MTMR3: variants seen among roughly 807,000 people sequenced by gnomAD.
MTMR3 encodes phosphatidylinositol-3,5-bisphosphate 3-phosphatase MTMR3.
In MTMR3, 32 loss-of-function variants were observed where a neutral mutation model predicts 132.4. That is an observed-to-expected ratio of 0.24 (90% CI 0.18 to 0.32). MTMR3 has a LOEUF of 0.32. MTMR3 is among the 10% of genes least tolerant of loss of function. MTMR3 has a pLI of 1.00. For missense variants in MTMR3, 1,216 were observed against 1,489.6 expected (o/e 0.82, Z 3.02); for synonymous variants, 556 against 550.3 (o/e 1.01, Z -0.14).
chr22:30,012,255 T>G (rs550793681), intron 12 of MTMR3, 113 bp from the exon 13 acceptor site: 9 of 1,190,844 alleles, frequency 7.6e-6, no homozygotes, highest in Non-Finnish European at 9.4e-6. Context: ...TTGGCAGTGT[T>G]ATATTTGGAG....
chr22:30,019,678 G>C lies in MTMR3; in HGVS notation c.2019G>C (p.Pro673=), dbSNP rs148069934. The C allele has an allele frequency of 5.0e-6, 8 of 1,613,946 alleles. No homozygotes were observed. In the African/African-American group the frequency reaches 8.0e-5, roughly 16 times the overall value. ...ADSLGKPTRV[P]GGAELSVAAG... is the part of the protein sequence containing the mutation. ...GCCTAGGGAAGCCCACCAGAGTGCC[G>C]GGGGGTGCCGAGCTTTCTGTTGCAG... The change falls in exon 17 of 20, where the codon CCG becomes CCC. Residue 673 remains proline, a synonymous_variant. Coordinates refer to ENST00000401950, the MANE Select transcript of MTMR3 (RefSeq NM_021090.4).
chr22:29,894,516 G>T (rs1230379133), intron 1 of MTMR3, among the ~76,000 whole-genome samples: 1 of 151,902 alleles, frequency 6.6e-6, no homozygotes, highest in East Asian at 1.9e-4. Flanking sequence ...GTGTGTGTGT[G>T]TGTGTGTGTG....
chr22:29,991,791 C>T (rs369657261), intron 7 of MTMR3, 121 bp downstream of exon 7: 30 of 1,073,906 alleles, frequency 2.8e-5, no homozygotes, highest in East Asian at 1.9e-4. Context: ...TTTTAAGGAG[C>T]ACCCAGCAAG....
rs1464861973 is a variant in MTMR3, at chr22:29,947,021, A to T, written c.-137-10015A>T. Among the ~76,000 whole-genome samples the T allele has an allele frequency of 3.9e-5, 6 of 152,312 alleles. No individual in the cohort carries two copies. In the East Asian group the frequency reaches 1.2e-3, roughly 29 times the overall value. On this transcript the variant is annotated intron_variant, in intron 1 of 19. Coordinates refer to ENST00000401950, the MANE Select transcript of MTMR3 (RefSeq NM_021090.4). ...TTAGATTGTAAGGAAACTGTTGAAG[A>T]TGTAAATCATTAGAAAAGAAAAAGT...
At chr22:29,998,094 A>G (rs1207620073) in intron 7 of MTMR3, 1 of 152,198 alleles carries the variant, frequency 6.6e-6, no homozygotes, top group Admixed American at 6.5e-5. Flanking sequence ...GGAAGTAGGC[A>G]AGTAGCCAGT....
At chr22:29,953,858 G>T (rs1336375878) in intron 1 of MTMR3, among the ~76,000 whole-genome samples, 7 of 151,910 alleles carry the variant, frequency 4.6e-5, no homozygotes, top group Non-Finnish European at 1.0e-4. Flanking sequence ...GTTATTTTTA[G>T]GTAATTGCTT....
chr22:30,022,395 G>A, intron 18 of MTMR3: 1 of 613,974 alleles, frequency 1.6e-6, no homozygotes, highest in Non-Finnish European at 2.9e-6. Context: ...GACCCAGGGT[G>A]CTGCTGCCTG....
intron 6 of MTMR3, 136 bp downstream of exon 6, chr22:29,988,698 C>A: frequency 3.9e-6 from 2 of 517,382 alleles, no homozygotes; most frequent in South Asian, 4.5e-5. Context: ...GTAGTTTGTG[C>A]CTGAAATATT....
intron 7 of MTMR3, chr22:29,995,963 ATTAAGAG>A: frequency 6.6e-6 from 1 of 152,238 alleles, no homozygotes; most frequent in East Asian, 1.9e-4. Context: ...TCACACACAT[ATTAAGAG>A]TGGGTATTGT....
chr22:29,974,762 T>G (rs552734103), intron 3 of MTMR3, among the ~76,000 whole-genome samples: 12 of 152,334 alleles, frequency 7.9e-5, no homozygotes, highest in South Asian at 4.1e-4. Flanking sequence ...TGGGTACCTC[T>G]GTAAAATGAC....
Position 30,013,370 on chromosome 22 carries a change from C to T in MTMR3, c.1332C>T (p.Leu444=), listed in dbSNP as rs142887550. 38 of 1,613,780 alleles carry T rather than the reference C, an allele frequency of 2.4e-5. No homozygotes were observed. The highest frequency in any genetic ancestry group is 2.0e-4 in the South Asian group (18 of 91,042). ...YYRTIEGFQV[L]VEMEWLDFGH... ...CTTCCCTGCAGGGTTTCCAGGTCCT[C>T]GTGGAAATGGAGTGGCTGGATTTTG... is the stretch of plus-strand genomic sequence containing the variant. The change falls in exon 14 of 20, where the codon CTC becomes CTT. Residue 444 remains leucine (L), a synonymous_variant. Coordinates refer to ENST00000401950, the MANE Select transcript of MTMR3 (RefSeq NM_021090.4).
intron 1 of MTMR3, among the ~76,000 whole-genome samples, chr22:29,955,127 C>G (rs1450258216): frequency 2.0e-5 from 3 of 152,080 alleles, no homozygotes; most frequent in Admixed American, 1.3e-4. Flanking sequence ...GTAGCTAGGA[C>G]CACAGGTGTG....
chr22:30,023,235 C>T (rs916821174), intron 19 of MTMR3: 27 of 579,140 alleles, frequency 4.7e-5, no homozygotes, highest in African/African-American at 4.5e-4. Context: ...ACCCTTTGCC[C>T]CAGCTAGGGT....
chr22:30,003,031 C>G, intron 9 of MTMR3, 38 bp downstream of exon 9: 1 of 1,485,888 alleles, frequency 6.7e-7, no homozygotes, highest in Non-Finnish European at 9.4e-7. Flanking sequence ...TGGGCTGGTG[C>G]TGCTGCCTGC....
chr22:29,978,561 T>G, intron 4 of MTMR3, 30 bp downstream of exon 4: 10 of 1,555,592 alleles, frequency 6.4e-6, no homozygotes, highest in Non-Finnish European at 8.9e-6. Flanking sequence ...AAATGTAAAA[T>G]ATTTATTTAG....
chr22:29,995,218 A>C (rs2067038539), intron 7 of MTMR3: 3 of 152,300 alleles, frequency 2.0e-5, no homozygotes. Flanking sequence ...TCCGGGTTTG[A>C]ATGCAGTCCA....
At chr22:29,946,029 G>GTGTGTA (rs1328209529) in intron 1 of MTMR3, among the ~76,000 whole-genome samples, 1 of 151,866 alleles carries the variant, frequency 6.6e-6, no homozygotes, top group African/African-American at 2.4e-5. Flanking sequence ...ATTTGTGTGT[G>GTGTGTA]TGTGTGTGTA....
chr22:30,023,659 G>T, intron 19 of MTMR3: 3 of 715,872 alleles, frequency 4.2e-6, no homozygotes, highest in Middle Eastern at 3.5e-4. Flanking sequence ...GGCCATCGAG[G>T]GTGGGTCAGG....
rs201112509 is a variant in MTMR3 at position 29,928,665 on chromosome 22, T to TA, written c.-137-28363dup. On this transcript the variant is annotated intron_variant, in intron 1 of 19. Transcript: ENST00000401950. ...TTTTACAACCTGTTGGTGTGAAGTT[T>TA]AAAAAAAATTTTTTTTTAAGTTTTT... 4.6e-5 allele frequency among the ~76,000 whole-genome samples: 7 copies of TA among 152,128 alleles called. No homozygotes were observed. In the South Asian group the frequency reaches 6.2e-4, roughly 14 times the overall value.
Sources: allele counts gnomAD v4.1 joint callset (sites outside exome capture counted in the v4.1 genomes callset), GRCh38; gene constraint gnomAD v4.1.1; transcripts MANE v1.5; gene names NCBI Gene and HGNC (gene_info 2026-07-23, HGNC 2026-07-21).